Variants in GNB4 observed in about 807,000 individuals in gnomAD.
The protein encoded by GNB4 is guanine nucleotide-binding protein subunit beta-4.
GNB4 carries 28 observed loss-of-function variants against 45.2 expected under a neutral mutation model. The observed-to-expected ratio is 0.62, with a 90% CI of 0.46 to 0.85. The LOEUF is 0.85. Ranked by LOEUF, GNB4 falls within the 40% of genes least tolerant of loss-of-function variation. GNB4 has a pLI of 0.00. For synonymous variants in GNB4, 132 were observed against 143.7 expected (o/e 0.92, Z 0.58); for missense variants, 321 against 425.4 (o/e 0.75, Z 2.16).
chr3:179,461,496 C>CA, the GNB4 span, among the ~76,000 whole-genome samples: 74 of 134,672 alleles, frequency 5.5e-4, no homozygotes, highest in Non-Finnish European at 6.8e-4. Context: ...GACTCCGTCT[C>CA]AAAAAAAAAA....
the GNB4 span, among the ~76,000 whole-genome samples, chr3:179,471,397 T>C: frequency 5.3e-5 from 8 of 152,206 alleles, no homozygotes; most frequent in Non-Finnish European, 1.0e-4. Context: ...AAGTGCCTTA[T>C]ACATGTATAC....
At chr3:179,512,636 T>A in the GNB4 span, among the ~76,000 whole-genome samples, 19 of 152,206 alleles carry the variant, frequency 1.2e-4, no homozygotes, top group African/African-American at 4.6e-4. Context: ...GGTTGGACTC[T>A]GGGAAAGCAC....
At chr3:179,447,270 G>C (rs1377205299) in intron 1 of GNB4, among the ~76,000 whole-genome samples, 1 of 150,676 alleles carries the variant, frequency 6.6e-6, no homozygotes, top group Non-Finnish European at 1.5e-5. Context: ...CTGGAAGAGA[G>C]TGAGCAGGGC....
the GNB4 span, among the ~76,000 whole-genome samples, chr3:179,506,329 C>A: frequency 4.0e-5 from 6 of 151,860 alleles, no homozygotes; most frequent in Non-Finnish European, 5.9e-5. Flanking sequence ...TGAAGTGAGA[C>A]CCTGTCTCCA....
At chr3:179,402,617 C>CT (rs1455973813) in intron 9 of GNB4, among the ~76,000 whole-genome samples, 2 of 152,176 alleles carry the variant, frequency 1.3e-5, no homozygotes, top group African/African-American at 4.8e-5. Flanking sequence ...TGAGAGCAGG[C>CT]AATGGCAACG....
the GNB4 span, among the ~76,000 whole-genome samples, chr3:179,486,220 C>CG: frequency 8.1e-6 from 1 of 123,822 alleles, no homozygotes; most frequent in African/African-American, 3.0e-5. Context: ...GACTCTGTCT[C>CG]AAAAAAAAAA....
the GNB4 span, among the ~76,000 whole-genome samples, chr3:179,519,076 A>G: frequency 2.6e-5 from 4 of 152,186 alleles, no homozygotes; most frequent in Non-Finnish European, 4.4e-5. Flanking sequence ...AAGAACTTCC[A>G]AACACCTAAA....
chr3:179,450,347 C>T (rs1026347844), intron 1 of GNB4, among the ~76,000 whole-genome samples: 10 of 152,190 alleles, frequency 6.6e-5, no homozygotes, highest in Non-Finnish European at 1.2e-4. Flanking sequence ...AATAACTTCC[C>T]TCCCATCTTA....
chr3:179,439,284 A>G (rs1715538789), intron 1 of GNB4, among the ~76,000 whole-genome samples: 1 of 152,226 alleles, frequency 6.6e-6, no homozygotes, highest in Non-Finnish European at 1.5e-5. Context: ...AAAAATCACT[A>G]AACTGGCACT....
chr3:179,467,465 A>G, the GNB4 span, among the ~76,000 whole-genome samples: 1 of 152,204 alleles, frequency 6.6e-6, no homozygotes, highest in Non-Finnish European at 1.5e-5. Flanking sequence ...AGAGCTTTCT[A>G]TGGACCAGGC....
the GNB4 span, among the ~76,000 whole-genome samples, chr3:179,523,765 T>C: frequency 6.6e-6 from 1 of 151,958 alleles, no homozygotes; most frequent in African/African-American, 2.4e-5. Context: ...AGGGGTCCCA[T>C]ACTTGTGGGT....
intron 1 of GNB4, among the ~76,000 whole-genome samples, chr3:179,433,179 T>C (rs1239201002): frequency 1.3e-5 from 2 of 151,626 alleles, no homozygotes; most frequent in African/African-American, 2.4e-5. Flanking sequence ...AAACAGAAAA[T>C]TGAGTGGGAC....
At chr3:179,431,968 A>G (rs2108609386) in intron 1 of GNB4, among the ~76,000 whole-genome samples, 1 of 152,274 alleles carries the variant, frequency 6.6e-6, no homozygotes, top group South Asian at 2.1e-4. Flanking sequence ...CTCCCTTAAA[A>G]AGAAAAAGAA....
the GNB4 span, among the ~76,000 whole-genome samples, chr3:179,489,448 G>A: frequency 6.6e-6 from 1 of 151,884 alleles, no homozygotes; most frequent in African/African-American, 2.4e-5. Context: ...ACCAGCCTGG[G>A]CAACAAAGCA....
chr3:179,507,614 C>T, the GNB4 span, among the ~76,000 whole-genome samples: 2 of 152,158 alleles, frequency 1.3e-5, no homozygotes, highest in Non-Finnish European at 2.9e-5. Flanking sequence ...CTGGAGTGCT[C>T]TTCTCCCATC....
At chr3:179,447,389 G>T (rs1391884010) in intron 1 of GNB4, among the ~76,000 whole-genome samples, 1 of 150,616 alleles carries the variant, frequency 6.6e-6, no homozygotes, top group East Asian at 1.9e-4. Context: ...TTCAGATGGG[G>T]TCTCACTCTA....
rs1714155883 is a variant in GNB4, at chr3:179,397,565, T to TG, written c.*3647dup. The TG allele has an allele frequency of 6.6e-6, 1 of 152,610 alleles. No homozygotes were observed. Among genetic ancestry groups the TG allele is most frequent in the Non-Finnish European group, 1.5e-5 (1 of 68,052 alleles). The allele number at this position is 152,610 out of a possible 1,614,324, so 9.5% of individuals were successfully genotyped here. On this transcript the variant is annotated 3_prime_UTR_variant, in exon 10 of 10. Transcript: ENST00000232564. The stretch of plus-strand genomic sequence containing the variant: ...AACAGGCCCTTTTGCTGTTGAGATA[T>TG]GAAGCCCAAATCTTTGCCTCTGAAG...
chr3:179,468,189 C>G, the GNB4 span, among the ~76,000 whole-genome samples: 1 of 150,370 alleles, frequency 6.7e-6, no homozygotes, highest in Middle Eastern at 3.5e-3. Context: ...CAGAGCAAGA[C>G]CTTGTCTCTA....
rs574941994 is a variant in GNB4, at chr3:179,422,199, CAA to C, written c.58-1274_58-1273del. ...ATTGAACTACGCTGAAAATTGGTAA[CAA>C]AAATTAAAATATTATGTTGGAATAC... On this transcript the variant is annotated intron_variant, in intron 2 of 9. Coordinates refer to ENST00000232564, the MANE Select transcript of GNB4 (RefSeq NM_021629.4). Among the ~76,000 whole-genome samples the C allele has an allele frequency of 1.8e-4, 28 of 152,032 alleles. No homozygotes were observed. In the South Asian group the frequency reaches 5.8e-3, roughly 32 times the overall value.
Sources: gnomAD v4.1 joint callset for allele counts (sites outside exome capture counted in the v4.1 genomes callset) on GRCh38, gnomAD v4.1.1 for gene constraint, MANE v1.5 for transcripts, NCBI Gene and HGNC (gene_info 2026-07-23, HGNC 2026-07-21) for gene names.